The following CEP63 variants were observed in gnomAD, a reference collection of about 807,000 sequenced individuals.
CEP63 encodes the protein centrosomal protein of 63 kDa.
In CEP63, 84 loss-of-function variants were observed where a neutral mutation model predicts 89.1. The ratio of observed to expected loss-of-function variants is 0.94; its 90% CI spans 0.79 to 1.13. The LOEUF (loss-of-function observed/expected upper bound fraction) is 1.13, where lower values mean the gene tolerates loss of function less well. Among genes scored for constraint, CEP63 ranks in the 50% most tolerant of loss-of-function variants. The pLI is 0.00. For missense variants in CEP63, 838 were observed against 813.3 expected (o/e 1.03, Z -0.37); for synonymous variants, 267 against 272.5 (o/e 0.98, Z 0.20).
chr3:134,653,826 C>T, the CEP63 span, among the ~76,000 whole-genome samples: 1 of 152,180 alleles, frequency 6.6e-6, no homozygotes, highest in Non-Finnish European at 1.5e-5. Context: ...TTTTCCCTAC[C>T]AAACCCACAC....
the CEP63 span, among the ~76,000 whole-genome samples, chr3:134,629,131 G>T: frequency 6.6e-6 from 1 of 152,180 alleles, no homozygotes; most frequent in African/African-American, 2.4e-5. Flanking sequence ...AAAGTATGGT[G>T]GTTAAGACCA....
chr3:134,735,571 G>GCATC, the CEP63 span, among the ~76,000 whole-genome samples: 1 of 152,124 alleles, frequency 6.6e-6, no homozygotes, highest in East Asian at 1.9e-4. Flanking sequence ...AGAAGGTAGA[G>GCATC]CATCACCTTG....
the CEP63 span, among the ~76,000 whole-genome samples, chr3:134,697,805 T>A: frequency 6.6e-6 from 1 of 152,212 alleles, no homozygotes. Context: ...CATTTCCCAG[T>A]CATTTTTGTA....
At chr3:134,619,382 A>C in the CEP63 span, 1 of 745,498 alleles carries the variant, frequency 1.3e-6, no homozygotes, top group African/African-American at 1.7e-5. Context: ...AGTGGGCTGA[A>C]TGGAACTACA....
At chr3:134,658,245 AACAATTT>A in the CEP63 span, among the ~76,000 whole-genome samples, 1 of 152,198 alleles carries the variant, frequency 6.6e-6, no homozygotes, top group African/African-American at 2.4e-5. Context: ...ATGGAGATTG[AACAATTT>A]TTAAGCATAA....
intron 3 of CEP63, among the ~76,000 whole-genome samples, chr3:134,529,622 T>G (rs1487658620): frequency 1.3e-5 from 2 of 152,026 alleles, no homozygotes; most frequent in Non-Finnish European, 2.9e-5. Context: ...ACTACAGGTG[T>G]GAGCCACCGC....
At chr3:134,699,155 A>G in the CEP63 span, among the ~76,000 whole-genome samples, 2 of 152,232 alleles carry the variant, frequency 1.3e-5, no homozygotes, top group Non-Finnish European at 2.9e-5. Context: ...CTGGATAAAC[A>G]TATCTGTCCT....
intron 3 of CEP63, chr3:134,511,541 C>T: frequency 6.6e-6 from 1 of 152,594 alleles, no homozygotes; most frequent in East Asian, 1.9e-4. Context: ...AGTTCATTCT[C>T]TCATTGCAAT....
At chr3:134,606,899 T>C in the CEP63 span, 1 of 984,870 alleles carries the variant, frequency 1.0e-6, no homozygotes, top group Non-Finnish European at 1.2e-6. Flanking sequence ...GCCCTCTTCC[T>C]TCCCTTCCTT....
At chr3:134,551,395 A>C (rs770680476) in intron 11 of CEP63, among the ~76,000 whole-genome samples, 13 of 152,204 alleles carry the variant, frequency 8.5e-5, no homozygotes, top group Non-Finnish European at 1.5e-4. Context: ...AGCTTAAAAA[A>C]AGGAGCAGTG....
intron 14 of CEP63, 88 bp from the exon 15 acceptor site, chr3:134,561,288 AT>A (rs1230320337): frequency 2.5e-5 from 32 of 1,305,874 alleles, no homozygotes; most frequent in Non-Finnish European, 3.5e-5. Flanking sequence ...ACCTTTTAAT[AT>A]TGCTAGTTAG....
At chr3:134,721,998 G>A in the CEP63 span, among the ~76,000 whole-genome samples, 1 of 152,128 alleles carries the variant, frequency 6.6e-6, no homozygotes, top group Non-Finnish European at 1.5e-5. Context: ...GAATGAGTTG[G>A]AAAGTGTTTC....
At chr3:134,699,404 T>C in the CEP63 span, among the ~76,000 whole-genome samples, 4 of 151,914 alleles carry the variant, frequency 2.6e-5, no homozygotes, top group African/African-American at 9.7e-5. Context: ...GAAAAGAGAG[T>C]GCGCTATCCA....
the CEP63 span, among the ~76,000 whole-genome samples, chr3:134,594,544 C>A: frequency 6.6e-6 from 1 of 151,928 alleles, no homozygotes; most frequent in African/African-American, 2.4e-5. Context: ...CTGATTGTTT[C>A]CCAGAGGCAA....
rs546392918 is a variant in CEP63, at chr3:134,583,937, T to A, written c.1207-3521T>A. On this transcript the variant is annotated intron_variant, in intron 10 of 10. Transcript: ENST00000683931. ...ATTCCTAGGTATCTTATTCTCTTTG[T>A]AGCAATTGTGAATGGGAGTTCACTC... Among the ~76,000 whole-genome samples the A allele has an allele frequency of 8.1e-3, 1,229 of 152,272 alleles. 2 individuals carry two copies. Among genetic ancestry groups the A allele is most frequent in the Admixed American group, 0.018 (281 of 15,300 alleles).
chr3:134,729,107 C>T, the CEP63 span, among the ~76,000 whole-genome samples: 5 of 152,204 alleles, frequency 3.3e-5, no homozygotes, highest in Non-Finnish European at 5.9e-5. Context: ...AAATGTTCAA[C>T]TTTTAATTTT....
the CEP63 span, among the ~76,000 whole-genome samples, chr3:134,668,990 C>T: frequency 6.6e-6 from 1 of 152,072 alleles, no homozygotes; most frequent in Admixed American, 6.5e-5. Context: ...GGAGCACAGA[C>T]CATGTATTTA....
chr3:134,556,367 G>C (rs527365625), intron 12 of CEP63, among the ~76,000 whole-genome samples: 16 of 152,024 alleles, frequency 1.1e-4, no homozygotes, highest in African/African-American at 3.6e-4. Context: ...ATTTTCGAAA[G>C]GATTTATTTT....
intron 10 of CEP63, among the ~76,000 whole-genome samples, chr3:134,581,054 T>C (rs1165830433): frequency 6.9e-6 from 1 of 145,058 alleles, no homozygotes; most frequent in African/African-American, 2.5e-5. Context: ...TGAAGATGGA[T>C]GGGGGCCATG....
Sources: gnomAD v4.1 joint callset for allele counts (sites outside exome capture counted in the v4.1 genomes callset) on GRCh38, gnomAD v4.1.1 for gene constraint, MANE v1.5 for transcripts, NCBI Gene and HGNC (gene_info 2026-07-23, HGNC 2026-07-21) for gene names.